C12orf42: variants seen among roughly 807,000 people sequenced by gnomAD.
C12orf42 encodes uncharacterized protein C12orf42.
In C12orf42, 25 loss-of-function variants were observed where a neutral mutation model predicts 21.6. That is an observed-to-expected ratio of 1.16 (90% CI 0.84 to 1.62). C12orf42 has a LOEUF of 1.62. C12orf42 is among the 40% of genes most tolerant of loss of function. The pLI is 0.00. For missense variants in C12orf42, 483 were observed against 459.3 expected (o/e 1.05, Z -0.47); for synonymous variants, 174 against 175.0 (o/e 0.99, Z 0.05).
the C12orf42 span, among the ~76,000 whole-genome samples, chr12:103,501,961 G>A: frequency 6.6e-5 from 10 of 152,090 alleles, no homozygotes; most frequent in Non-Finnish European, 1.0e-4. Context: ...AGCAAGCTGC[G>A]CTACATTGAA....
chr12:103,077,866 A>G, the C12orf42 span, among the ~76,000 whole-genome samples: 1 of 152,226 alleles, frequency 6.6e-6, no homozygotes, highest in Non-Finnish European at 1.5e-5. Flanking sequence ...TAGAGTCCAC[A>G]ATAGTTGCCC....
intron 2 of C12orf42, among the ~76,000 whole-genome samples, chr12:103,440,547 C>G (rs937834605): frequency 1.4e-5 from 2 of 143,198 alleles, no homozygotes; most frequent in Non-Finnish European, 3.0e-5. Context: ...GCAAAATAGA[C>G]GCATAAATTT....
At chr12:103,554,200 A>G in the C12orf42 span, among the ~76,000 whole-genome samples, 1 of 152,180 alleles carries the variant, frequency 6.6e-6, no homozygotes, top group Non-Finnish European at 1.5e-5. Context: ...CCAAAAAACT[A>G]TGTTAACAAA....
the C12orf42 span, among the ~76,000 whole-genome samples, chr12:103,163,550 T>C: frequency 3.3e-5 from 5 of 152,240 alleles, no homozygotes; most frequent in African/African-American, 1.2e-4. Flanking sequence ...GTGTCTTTTG[T>C]TCTGTCCACA....
intron 2 of C12orf42, 120 bp from the exon 3 acceptor site, chr12:103,401,795 C>T: frequency 5.5e-6 from 5 of 906,476 alleles, no homozygotes; most frequent in Non-Finnish European, 8.6e-6. Context: ...AATGGCTGTT[C>T]ATTCACTGAG....
At chr12:103,554,890 G>A in the C12orf42 span, among the ~76,000 whole-genome samples, 1 of 152,178 alleles carries the variant, frequency 6.6e-6, no homozygotes, top group Non-Finnish European at 1.5e-5. Flanking sequence ...GACATGAGAT[G>A]TGGGTGGGGA....
chr12:103,230,826 T>C, the C12orf42 span, among the ~76,000 whole-genome samples: 4 of 152,160 alleles, frequency 2.6e-5, no homozygotes, highest in Admixed American at 1.3e-4. Context: ...ATATTAAACA[T>C]AATTTTTAAA....
chr12:103,325,535 C>G (rs907587016), intron 4 of C12orf42, among the ~76,000 whole-genome samples: 2 of 152,216 alleles, frequency 1.3e-5, no homozygotes, highest in Non-Finnish European at 2.9e-5. Flanking sequence ...GACAAGAAGG[C>G]TGAGTCTTGC....
intron 4 of C12orf42, among the ~76,000 whole-genome samples, chr12:103,312,509 T>C (rs2039065699): frequency 6.6e-6 from 1 of 152,220 alleles, no homozygotes; most frequent in Non-Finnish European, 1.5e-5. Context: ...AAAGTTCCAA[T>C]GAATAAAATG....
the C12orf42 span, among the ~76,000 whole-genome samples, chr12:103,192,973 G>A: frequency 6.6e-6 from 1 of 152,056 alleles, no homozygotes; most frequent in African/African-American, 2.4e-5. Flanking sequence ...CATTCTCCAG[G>A]ACAGATCACA....
chr12:103,121,897 G>A, the C12orf42 span, among the ~76,000 whole-genome samples: 36 of 152,160 alleles, frequency 2.4e-4, no homozygotes, highest in African/African-American at 8.4e-4. Context: ...AGATTATTCA[G>A]GTTGAACAAG....
At chr12:103,396,395 G>T (rs190048637) in intron 3 of C12orf42, 1 of 152,068 alleles carries the variant, frequency 6.6e-6, no homozygotes, top group Non-Finnish European at 1.5e-5. Context: ...AGTCAATTAC[G>T]CCTCTTTTGT....
the C12orf42 span, among the ~76,000 whole-genome samples, chr12:103,548,356 A>C: frequency 6.6e-6 from 1 of 152,386 alleles, no homozygotes; most frequent in South Asian, 2.1e-4. Flanking sequence ...ATATTTGCTC[A>C]GTTTTTATAT....
At chr12:103,226,701 G>C in the C12orf42 span, among the ~76,000 whole-genome samples, 3 of 152,286 alleles carry the variant, frequency 2.0e-5, no homozygotes, top group South Asian at 6.2e-4. Context: ...GGCTGAGGAA[G>C]AATTGGGACC....
chr12:103,117,220 G>C, the C12orf42 span, among the ~76,000 whole-genome samples: 1 of 152,058 alleles, frequency 6.6e-6, no homozygotes, highest in Admixed American at 6.6e-5. Flanking sequence ...AGCCTTTCCA[G>C]CTTCTAGTGT....
intron 10 of C12orf42, among the ~76,000 whole-genome samples, chr12:103,254,925 AT>A (rs2034484306): frequency 6.6e-6 from 1 of 152,220 alleles, no homozygotes; most frequent in Admixed American, 6.5e-5. Context: ...TAAAATAGAA[AT>A]TAAAAATTTT....
chr12:103,089,557 T>C, the C12orf42 span, among the ~76,000 whole-genome samples: 5 of 151,886 alleles, frequency 3.3e-5, no homozygotes, highest in African/African-American at 7.3e-5. Flanking sequence ...ATATTTTTCT[T>C]AGTGATGCTT....
intron 2 of C12orf42, among the ~76,000 whole-genome samples, chr12:103,409,215 C>T (rs2048643788): frequency 6.6e-6 from 1 of 152,128 alleles, no homozygotes; most frequent in Non-Finnish European, 1.5e-5. Flanking sequence ...AAAAGGAGTC[C>T]TTTCAGTGGT....
chr12:103,272,719 A>G (rs78004207), intron 5 of C12orf42, among the ~76,000 whole-genome samples: 2,920 of 152,276 alleles, frequency 0.019, 126 homozygotes, highest in African/African-American at 0.066. Context: ...CTATTTTTCT[A>G]AAGAGAATTT....
Sources: gnomAD v4.1 joint callset for allele counts (sites outside exome capture counted in the v4.1 genomes callset) on GRCh38, gnomAD v4.1.1 for gene constraint, MANE v1.5 for transcripts, NCBI Gene and HGNC (gene_info 2026-07-23, HGNC 2026-07-21) for gene names.